Variants in SLC44A4 observed in about 807,000 individuals in gnomAD.
SLC44A4 encodes the protein solute carrier family 44 member 4, also known as choline transporter-like protein 4.
A neutral mutation model predicts 97.0 loss-of-function variants in SLC44A4; 74 were observed. The observed-to-expected ratio is 0.76, with a 90% confidence interval of 0.63 to 0.93. SLC44A4 has a LOEUF of 0.93. Ranked by LOEUF, SLC44A4 falls within the 40% of genes least tolerant of loss-of-function variation. SLC44A4 has a pLI of 0.00. For synonymous variants in SLC44A4, 325 were observed against 363.8 expected (o/e 0.89, Z 1.21); for missense variants, 799 against 902.9 (o/e 0.88, Z 1.48).
rs907912881 is a variant in SLC44A4 at position 31,864,814 on chromosome 6, A to G, written c.1926+2T>C. The G allele has an allele frequency of 6.2e-7, 1 of 1,614,018 alleles. No homozygotes were observed. The highest frequency in any genetic ancestry group is 8.5e-7 in the Non-Finnish European group (1 of 1,179,964). The stretch of plus-strand genomic sequence containing the variant: ...GGAGCAGCAGAGAGGGGAGTCACTC[A>G]CCATGATGGGCAGCCAGTAATAGTT... On this transcript the variant is annotated splice_donor_variant, in intron 19 of 20. Transcript: ENST00000229729. LOFTEE classifies it high-confidence loss of function.
chr6:31,877,498 A>C lies in SLC44A4; in HGVS notation c.41-416T>G. 1 of 657,470 alleles carries C rather than the reference A, an allele frequency of 1.5e-6. No individual in the cohort carries two copies. The allele number at this position is 657,470 out of a possible 1,614,324, so 40.7% of individuals were successfully genotyped here. On this transcript the variant is annotated intron_variant, in intron 1 of 20. Transcript: ENST00000229729. This position sits in a 1 kb window ranked among gnomAD's most constrained non-coding sequence, Gnocchi z 6.5. ...TCCCTAATCCCTCCCCAGGGACCAC[A>C]CAGACCCACAGCCCCTCAGGGAGGT...
chr6:31,875,594 C>G (rs1245082476), intron 4 of SLC44A4, among the ~76,000 whole-genome samples: 1 of 152,202 alleles, frequency 6.6e-6, no homozygotes, highest in Non-Finnish European at 1.5e-5. Context: ...ACACCAATCT[C>G]TGAACTGTAA....
chr6:31,872,154 G>A (rs1402073103), intron 7 of SLC44A4, among the ~76,000 whole-genome samples: 2 of 152,130 alleles, frequency 1.3e-5, no homozygotes, highest in Non-Finnish European at 2.9e-5. Context: ...CAACTGTTAT[G>A]TGCCTACAGA....
At position 31,871,509 on chromosome 6, in the gene SLC44A4, C is replaced by T; in HGVS notation, c.582G>A (p.Gly194=). 1 of 1,613,812 alleles carries T rather than the reference C, an allele frequency of 6.2e-7. No individual in the cohort carries two copies. The highest frequency in any genetic ancestry group is 8.5e-7 in the Non-Finnish European group (1 of 1,179,858). ...WTNVTPPALP[G]ITNDTTIQQG... is the part of the protein sequence containing the mutation. ...GCTGTATGGTGGTGTCATTGGTGATCCCTGGGAGCGCCGGTGGAGTAACGT... is the reference window on the plus strand; with the variant it reads ...GCTGTATGGTGGTGTCATTGGTGATTCCTGGGAGCGCCGGTGGAGTAACGT... The change falls in exon 8 of 21, where the codon GGG becomes GGA. Residue 194 remains glycine, a synonymous_variant. Transcript: ENST00000229729.
In SLC44A4 at chr6:31,877,177, A is replaced by G. The variant is rs1210735890; in HGVS notation, c.41-95T>C. On this transcript the variant is annotated intron_variant, in intron 1 of 20. Transcript: ENST00000229729. This position sits in a 1 kb window ranked among gnomAD's most constrained non-coding sequence, Gnocchi z 6.5. ...AGCCCCAGGATCCTACCCAGGCCTCAGGTGTTTGGAGGGAGATGGGCTAGG... is the reference window on the plus strand; with the variant it reads ...AGCCCCAGGATCCTACCCAGGCCTCGGGTGTTTGGAGGGAGATGGGCTAGG... 3 of 1,275,658 alleles carry G rather than the reference A, an allele frequency of 2.4e-6. No homozygotes were observed. In the Admixed American group the frequency reaches 6.3e-5, roughly 27 times the overall value. The allele number at this position is 1,275,658 out of a possible 1,614,324, so 79.0% of individuals were successfully genotyped here.
rs1380243098 is a variant in SLC44A4 at position 31,878,501 on chromosome 6, ACCT to A, written c.40+437_40+439del. Reference sequence around the variant, plus strand: ...CTCAGAGACCCAGACTCCAGGCTGAACCTCCTCCTCCTTACAGGGACCCTGGCC... The same window carrying A: ...CTCAGAGACCCAGACTCCAGGCTGAACCTCCTCCTTACAGGGACCCTGGCC... On this transcript the variant is annotated intron_variant, in intron 1 of 20. Coordinates refer to ENST00000229729, the MANE Select transcript of SLC44A4 (RefSeq NM_025257.3). The surrounding 1 kb of genome is among the most constrained non-coding windows in gnomAD (Gnocchi z 4.0). Among the ~76,000 whole-genome samples, 3 of 151,732 alleles carry A rather than the reference ACCT, an allele frequency of 2.0e-5. No homozygotes were observed. In the East Asian group the frequency reaches 5.8e-4, roughly 29 times the overall value.
Position 31,878,893 on chromosome 6 carries a change from C to T in SLC44A4, c.40+48G>A. On this transcript the variant is annotated intron_variant, in intron 1 of 20. Coordinates refer to ENST00000229729, the MANE Select transcript of SLC44A4 (RefSeq NM_025257.3). The surrounding 1 kb of genome is among the most constrained non-coding windows in gnomAD (Gnocchi z 4.0). Reference sequence around the variant, plus strand: ...GCCCCAGACACCATTCCCAAAGTACCCGTCCTCCCCTCCCTCCACAGGGTC... The same window carrying T: ...GCCCCAGACACCATTCCCAAAGTACTCGTCCTCCCCTCCCTCCACAGGGTC... 3.1e-6 allele frequency: 5 copies of T among 1,601,054 alleles called. No homozygotes were observed. Among genetic ancestry groups the T allele is most frequent in the Non-Finnish European group, 4.3e-6 (5 of 1,168,300 alleles).
intron 4 of SLC44A4, 109 bp from the exon 5 acceptor site, chr6:31,875,137 C>A (rs996952943): frequency 4.2e-5 from 34 of 808,898 alleles, no homozygotes; most frequent in Non-Finnish European, 6.5e-5. Flanking sequence ...CCCAGCGTGG[C>A]CCATACCAGT....
At position 31,865,274 on chromosome 6, in the gene SLC44A4, TC is replaced by T; in HGVS notation, c.1760+40del. On this transcript the variant is annotated intron_variant, in intron 17 of 20. Transcript: ENST00000229729. This position sits in a 1 kb window ranked among gnomAD's most constrained non-coding sequence, Gnocchi z 5.2. ...CACGAAGCCAGCCTTGGGTGGGAGA[TC>T]AGAGGAGGGAGCCACAAAGCGGGGG... The T allele has an allele frequency of 6.2e-7, 1 of 1,610,760 alleles. No individual in the cohort carries two copies. The highest frequency in any genetic ancestry group is 1.7e-4 in the Middle Eastern group (1 of 6,056).
rs369553895 is a variant in SLC44A4, at chr6:31,865,768, A to G, written c.1504T>C (p.Leu502=). The change falls in exon 15 of 21, where the codon TTG becomes CTG. Residue 502 remains leucine (L), a synonymous_variant. Transcript: ENST00000229729. The surrounding 1 kb of genome is among the most constrained non-coding windows in gnomAD (Gnocchi z 5.2). ...GTCAGGATGAGGGCTCCAAATGCCA[A>G]TGACCCAGTGTGGTAACTGCAGAGG... The part of the protein sequence containing the change: ...IRTLRYHTGS[L]AFGALILTLV... The G allele has an allele frequency of 5.0e-6, 8 of 1,613,772 alleles. No individual in the cohort carries two copies. Among genetic ancestry groups the G allele is most frequent in the East Asian group, 2.2e-5 (1 of 44,890 alleles).
chr6:31,872,007 C>A (rs2151564967), intron 7 of SLC44A4, among the ~76,000 whole-genome samples: 1 of 152,240 alleles, frequency 6.6e-6, no homozygotes, highest in African/African-American at 2.4e-5. Flanking sequence ...CCCTTCTACT[C>A]TGTACCTTTG....
rs375565372 is a variant in SLC44A4, at chr6:31,866,141, G to C, written c.1234-15C>G. ...ACAAGGTGGGCCTGGGAGGGTAGACGGGGATAGAGTAGGCTCAGGCATCGG... is the reference window on the plus strand; with the variant it reads ...ACAAGGTGGGCCTGGGAGGGTAGACCGGGATAGAGTAGGCTCAGGCATCGG... On this transcript the variant is annotated splice_polypyrimidine_tract_variant and intron_variant, in intron 13 of 20. Coordinates refer to ENST00000229729, the MANE Select transcript of SLC44A4 (RefSeq NM_025257.3). 1.7e-4 allele frequency: 274 copies of C among 1,613,100 alleles called. No homozygotes were observed. Among genetic ancestry groups the C allele is most frequent in the Non-Finnish European group, 2.3e-4 (267 of 1,179,652 alleles).
At chr6:31,864,289 G>A (rs1270048896) in intron 20 of SLC44A4, among the ~76,000 whole-genome samples, 1 of 152,144 alleles carries the variant, frequency 6.6e-6, no homozygotes, top group East Asian at 1.9e-4. Context: ...GGGCCAGGCT[G>A]GTCTCGAACT....
rs1416767961 is a variant in SLC44A4 at position 31,875,914 on chromosome 6, G to T, written c.180C>A (p.Asp60Glu). The change falls in exon 4 of 21, where the codon GAC (aspartate) becomes GAA (glutamate). Residue 60 changes from aspartate (D) to glutamate (E), a missense_variant. Around this residue, in one of 3 missense-constraint regions of SLC44A4, gnomAD observed 409 missense variants for 434.1 expected, o/e 0.94. Coordinates refer to ENST00000229729, the MANE Select transcript of SLC44A4 (RefSeq NM_025257.3). ...VVGIVAWLYG[D>E]PRQVLYPRNS... ...TCCTGGGGTAGAGGACTTGCCGGGG[G>T]TCTCCATACAACCAGGCTGCAGACA... 2 of 1,613,806 alleles carry T rather than the reference G, an allele frequency of 1.2e-6. No individual in the cohort carries two copies. Among genetic ancestry groups the T allele is most frequent in the Non-Finnish European group, 8.5e-7 (1 of 1,179,916 alleles).
chr6:31,875,779 G>C, intron 4 of SLC44A4, 73 bp downstream of exon 4: 3 of 1,361,398 alleles, frequency 2.2e-6, no homozygotes, highest in Non-Finnish European at 2.0e-6. Flanking sequence ...TCTGGAGCCT[G>C]AGTTGGGGGG....
At position 31,863,388 on chromosome 6, in the gene SLC44A4, G is replaced by A. The variant is rs1478669559; in HGVS notation, c.*239C>T. 20 of 429,130 alleles carry A rather than the reference G, an allele frequency of 4.7e-5. No individual in the cohort carries two copies. The highest frequency in any genetic ancestry group is 1.4e-4 in the Admixed American group (3 of 21,558). 26.6% of individuals were successfully genotyped at this position (429,130 alleles called of 1,614,324 possible). A position where few individuals can be genotyped will look rare whatever the true frequency, so the allele number is the denominator to read the frequency against. On this transcript the variant is annotated 3_prime_UTR_variant, in exon 21 of 21. Coordinates refer to ENST00000229729, the MANE Select transcript of SLC44A4 (RefSeq NM_025257.3). Reference sequence around the variant, plus strand: ...TGACAGGTGCATGCCACCACTCTCGGCTAATTTTTGTATTTTTAATAGAGA... The same window carrying A: ...TGACAGGTGCATGCCACCACTCTCGACTAATTTTTGTATTTTTAATAGAGA...
At position 31,870,996 on chromosome 6, in the gene SLC44A4, G is replaced by A. The variant is rs755739693; in HGVS notation, c.753C>T (p.Arg251=). The change falls in exon 10 of 21, where the codon CGC becomes CGT. Residue 251 remains arginine (R), a synonymous_variant. Coordinates refer to ENST00000229729, the MANE Select transcript of SLC44A4 (RefSeq NM_025257.3). ...VLSLLFILLL[R]LVAGPLVLVL... ...CCAGCACCAGGGGCCCAGCCACCAG[G>A]CGCAGAAGCAAGATAAACAGTAGGC... The A allele has an allele frequency of 2.5e-6, 4 of 1,612,588 alleles. No individual in the cohort carries two copies.
chr6:31,865,295 CG>C lies in SLC44A4; in HGVS notation c.1760+19del, dbSNP rs546801718. 123 of 1,609,406 alleles carry C rather than the reference CG, an allele frequency of 7.6e-5. 1 individual carries two copies. Among genetic ancestry groups the C allele is most frequent in the East Asian group, 3.1e-4 (14 of 44,826 alleles). ...GAGATCAGAGGAGGGAGCCACAAAGCGGGGGGGGAGCAGCCTAACCTGACAA... is the reference window on the plus strand; with the variant it reads ...GAGATCAGAGGAGGGAGCCACAAAGCGGGGGGGAGCAGCCTAACCTGACAA... On this transcript the variant is annotated intron_variant, in intron 17 of 20. Coordinates refer to ENST00000229729, the MANE Select transcript of SLC44A4 (RefSeq NM_025257.3). This position sits in a 1 kb window ranked among gnomAD's most constrained non-coding sequence, Gnocchi z 5.2.
Position 31,865,499 on chromosome 6 carries a change from A to G in SLC44A4, c.1685T>C (p.Met562Thr), listed in dbSNP as rs1386772505. The G allele has an allele frequency of 1.9e-6, 3 of 1,610,848 alleles. No homozygotes were observed. Among genetic ancestry groups the G allele is most frequent in the South Asian group, 1.1e-5 (1 of 91,036 alleles). The stretch of plus-strand genomic sequence containing the variant: ...AGGGTTGCTTGCAGTGTAGCTCACC[A>G]TGATGTATGCATTGCGGTTTAGGAA... The part of the protein sequence containing the change: ...IKFLNRNAYI[M>T]IAIYGKNFCV... Residue 562 changes from methionine to threonine, a missense_variant and splice_region_variant, in exon 16 of 21, where the codon ATG becomes ACG. Around this residue, in one of 3 missense-constraint regions of SLC44A4, gnomAD observed 379 missense variants for 438.3 expected, o/e 0.86. Coordinates refer to ENST00000229729, the MANE Select transcript of SLC44A4 (RefSeq NM_025257.3). This position sits in a 1 kb window ranked among gnomAD's most constrained non-coding sequence, Gnocchi z 5.2.
Sources: allele counts gnomAD v4.1 joint callset (sites outside exome capture counted in the v4.1 genomes callset), GRCh38; gene constraint gnomAD v4.1.1; regional missense constraint gnomAD v4.1.1; non-coding constraint Gnocchi (gnomAD v3.1); transcripts MANE v1.5; gene names NCBI Gene and HGNC (gene_info 2026-07-23, HGNC 2026-07-21).